GRIN2D: variants seen among roughly 807,000 people sequenced by gnomAD.
GRIN2D encodes the protein glutamate ionotropic receptor NMDA type subunit 2D.
GRIN2D carries 37 observed loss-of-function variants against 103.2 expected under a neutral mutation model. The ratio of observed to expected loss-of-function variants is 0.36; its 90% CI spans 0.28 to 0.47. GRIN2D has a LOEUF of 0.47. Ranked by LOEUF, GRIN2D falls within the 20% of genes least tolerant of loss-of-function variation. GRIN2D has a pLI of 1.00. For missense variants in GRIN2D, 1,557 were observed against 1,910.6 expected (o/e 0.81, Z 3.45); for synonymous variants, 845 against 885.6 (o/e 0.95, Z 0.81).
rs776067139 is a variant in GRIN2D, at chr19:48,414,825, G to T, written c.1413-39G>T. On this transcript the variant is annotated intron_variant, in intron 6 of 13. Coordinates refer to ENST00000263269, the MANE Select transcript of GRIN2D (RefSeq NM_000836.4). The surrounding 1 kb of genome is among the most constrained non-coding windows in gnomAD (Gnocchi z 4.6). ...TCTCTTCATGAGAGAGTCTAAGGAG[G>T]GGGTCCCCAAACTCCCCAAGCCTGG... 52 of 1,606,106 alleles carry T rather than the reference G, an allele frequency of 3.2e-5. No homozygotes were observed. The highest frequency in any genetic ancestry group is 3.9e-5 in the Non-Finnish European group (46 of 1,175,760).
intron 4 of GRIN2D, among the ~76,000 whole-genome samples, chr19:48,413,469 ACT>A (rs1261118823): frequency 6.6e-6 from 1 of 151,958 alleles, no homozygotes; most frequent in African/African-American, 2.4e-5. Context: ...ACAGAGCAAG[ACT>A]CTGTCTCAAA....
chr19:48,438,287 C>CTTTTTTTTTTTTTTT lies in GRIN2D; in HGVS notation c.2253-3467_2253-3453dup, dbSNP rs71181697. On this transcript the variant is annotated intron_variant, in intron 11 of 13. Transcript: ENST00000263269. ...TCTCTTCAACTCAGCATCCAGCCGCCTTTTTTTTTTTTTTTTTTTTTTTTT... is the reference window on the plus strand; with the variant it reads ...TCTCTTCAACTCAGCATCCAGCCGCCTTTTTTTTTTTTTTTTTTTTTTTTTTTTTTTTTTTTTTTT... 8.1e-4 allele frequency among the ~76,000 whole-genome samples: 47 copies of CTTTTTTTTTTTTTTT among 57,754 alleles called. 9 individuals carry two copies. The highest frequency in any genetic ancestry group is 1.4e-3 in the African/African-American group (18 of 13,224). The allele number at this position is 57,754 out of a possible 152,430, so 37.9% of individuals were successfully genotyped here. A position where few individuals can be genotyped will look rare whatever the true frequency, so the allele number is the denominator to read the frequency against.
intron 11 of GRIN2D, among the ~76,000 whole-genome samples, chr19:48,435,434 C>T (rs1217101694): frequency 5.3e-5 from 8 of 151,764 alleles, no homozygotes; most frequent in African/African-American, 1.5e-4. Context: ...AGATTACAGG[C>T]GTGTGCCACC....
chr19:48,399,908 A>G (rs1178385450), intron 3 of GRIN2D, among the ~76,000 whole-genome samples: 1 of 151,248 alleles, frequency 6.6e-6, no homozygotes, highest in East Asian at 2.0e-4. Flanking sequence ...GGCGGGGCCT[A>G]AGCACTCTAA....
intron 3 of GRIN2D, among the ~76,000 whole-genome samples, chr19:48,399,545 G>T (rs1970684158): frequency 6.6e-6 from 1 of 152,236 alleles, no homozygotes; most frequent in African/African-American, 2.4e-5. Flanking sequence ...TCCAGCCTGG[G>T]CGACACAGTG....
rs1418007815 is a variant in GRIN2D, at chr19:48,442,495, C to T, written c.2674-105C>T. On this transcript the variant is annotated intron_variant, in intron 13 of 13. Coordinates refer to ENST00000263269, the MANE Select transcript of GRIN2D (RefSeq NM_000836.4). This position sits in a 1 kb window ranked among gnomAD's most constrained non-coding sequence, Gnocchi z 7.2. ...GAGATGTGGATAGTGGGGAAGAGAGCGGGAAACACAGGCGGGTAAATGGAG... is the reference window on the plus strand; with the variant it reads ...GAGATGTGGATAGTGGGGAAGAGAGTGGGAAACACAGGCGGGTAAATGGAG... 4.0e-6 allele frequency: 6 copies of T among 1,507,186 alleles called. No homozygotes were observed. The highest frequency in any genetic ancestry group is 4.1e-5 in the Admixed American group (2 of 48,614). 93.4% of individuals were successfully genotyped at this position (1,507,186 alleles called of 1,614,324 possible).
chr19:48,419,451 G>A, intron 9 of GRIN2D, 92 bp downstream of exon 9: 1 of 1,476,430 alleles, frequency 6.8e-7, no homozygotes, highest in Non-Finnish European at 9.2e-7. Context: ...AGGGGGGGCG[G>A]TCAAGCTAGG....
rs916538548 is a variant in GRIN2D at position 48,393,944 on chromosome 19, A to G, written c.-306+76A>G. On this transcript the variant is annotated intron_variant, in intron 1 of 13. Transcript: ENST00000263269. The surrounding 1 kb of genome is among the most constrained non-coding windows in gnomAD (Gnocchi z 5.6). ...GTGTCTGTAAGCGCTGCGGCGGCGG[A>G]GGGAGGGAGGGGTCTGTCTGTCTGT... is the stretch of plus-strand genomic sequence containing the variant. 1.3e-5 allele frequency among the ~76,000 whole-genome samples: 2 copies of G among 151,118 alleles called. No homozygotes were observed. The highest frequency in any genetic ancestry group is 3.0e-5 in the Non-Finnish European group (2 of 67,796).
chr19:48,442,790 C>A lies in GRIN2D; in HGVS notation c.2864C>A (p.Ala955Glu). 1.9e-6 allele frequency: 2 copies of A among 1,069,226 alleles called. No homozygotes were observed. Among genetic ancestry groups the A allele is most frequent in the Non-Finnish European group, 2.3e-6 (2 of 885,816 alleles). The allele number at this position is 1,069,226 out of a possible 1,614,324, so 66.2% of individuals were successfully genotyped here. Residue 955 changes from alanine to glutamate, a missense_variant, in exon 14 of 14, where the codon GCG becomes GAG. By Grantham distance (107) the Ala-to-Glu change is moderately radical. Transcript: ENST00000263269. This position sits in a 1 kb window ranked among gnomAD's most constrained non-coding sequence, Gnocchi z 7.2. ...AAGGGCGCGGGGCCGCCGGGGGGCGCGGGCCTGGCCGACGGCTTCCACCGC... is the reference window on the plus strand; with the variant it reads ...AAGGGCGCGGGGCCGCCGGGGGGCGAGGGCCTGGCCGACGGCTTCCACCGC... ...RTKGAGPPGG[A>E]GLADGFHRYY... is the part of the protein sequence containing the mutation.
Position 48,393,810 on chromosome 19 carries a change from G to A in GRIN2D, c.-364G>A, listed in dbSNP as rs556686887. 9.2e-5 allele frequency among the ~76,000 whole-genome samples: 14 copies of A among 152,258 alleles called. No homozygotes were observed. The highest frequency in any genetic ancestry group is 3.4e-4 in the African/African-American group (14 of 41,560). On this transcript the variant is annotated 5_prime_UTR_variant, in exon 1 of 14. Coordinates refer to ENST00000263269, the MANE Select transcript of GRIN2D (RefSeq NM_000836.4). The surrounding 1 kb of genome is among the most constrained non-coding windows in gnomAD (Gnocchi z 5.6). Reference sequence around the variant, plus strand: ...TCGGCCACCGGTGCCTGCTGGGGGTGTTGCCTGGGTAGGTCGGCCCGGCCC... The same window carrying A: ...TCGGCCACCGGTGCCTGCTGGGGGTATTGCCTGGGTAGGTCGGCCCGGCCC...
At chr19:48,413,727 A>C (rs984166382) in intron 4 of GRIN2D, among the ~76,000 whole-genome samples, 12 of 151,992 alleles carry the variant, frequency 7.9e-5, no homozygotes, top group African/African-American at 2.9e-4. Context: ...TACTTTAAAA[A>C]AGAAGGAAAG....
At chr19:48,440,243 AG>A (rs1173483924) in intron 11 of GRIN2D, among the ~76,000 whole-genome samples, 1 of 152,054 alleles carries the variant, frequency 6.6e-6, no homozygotes. Flanking sequence ...TAAATAAATC[AG>A]GGCCTAGTGG....
Position 48,443,177 on chromosome 19 carries a change from G to T in GRIN2D, c.3251G>T (p.Gly1084Val), listed in dbSNP as rs928984311. 5.6e-6 allele frequency: 6 copies of T among 1,069,342 alleles called. No individual in the cohort carries two copies. In the South Asian group the frequency reaches 1.7e-4, roughly 31 times the overall value. 66.2% of individuals were successfully genotyped at this position (1,069,342 alleles called of 1,614,324 possible). The change falls in exon 14 of 14, where the codon GGC becomes GTC. Residue 1084 changes from glycine (G) to valine (V), a missense_variant. This residue lies in a region of GRIN2D where 632 missense variants were observed against 572.8 expected (regional missense o/e 1.10). Transcript: ENST00000263269. The surrounding 1 kb of genome is among the most constrained non-coding windows in gnomAD (Gnocchi z 8.9). ...PGAGGAGGTG[G>V]AGGGAPAAPP... ...GCGGGCGGCGCGGGGGGCACGGGGG[G>T]CGCAGGCGGAGGAGCCCCGGCCGCT...
At chr19:48,418,655 C>CTGGCCA (rs1970976570) in intron 8 of GRIN2D, among the ~76,000 whole-genome samples, 1 of 151,698 alleles carries the variant, frequency 6.6e-6, no homozygotes, top group African/African-American at 2.4e-5. Context: ...CTGTGGCCAG[C>CTGGCCA]GAGGGAGAAG....
chr19:48,438,701 T>C (rs1160172797), intron 11 of GRIN2D, among the ~76,000 whole-genome samples: 1 of 152,160 alleles, frequency 6.6e-6, no homozygotes, highest in Non-Finnish European at 1.5e-5. Context: ...CCCAAAGCGC[T>C]GGGATTACAG....
intron 8 of GRIN2D, among the ~76,000 whole-genome samples, chr19:48,416,732 T>TCC (rs1304282355): frequency 9.0e-6 from 1 of 111,544 alleles, no homozygotes; most frequent in Non-Finnish European, 1.8e-5. Flanking sequence ...CTTCTACTTC[T>TCC]CTCTCTCTCT....
rs1970941287 is a variant in GRIN2D at position 48,415,893 on chromosome 19, C to T, written c.1582-109C>T. ...CTCGCAATCCCTCTTGGCCCCTTCC[C>T]TCACCCTGTCACTGGTCTGCTCCCG... On this transcript the variant is annotated intron_variant, in intron 7 of 13. Transcript: ENST00000263269. 1.8e-5 allele frequency: 17 copies of T among 968,208 alleles called. No homozygotes were observed. In the South Asian group the frequency reaches 2.3e-4, roughly 13 times the overall value. The allele number at this position is 968,208 out of a possible 1,614,324, so 60.0% of individuals were successfully genotyped here. A position where few individuals can be genotyped will look rare whatever the true frequency, so the allele number is the denominator to read the frequency against.
At chr19:48,440,916 A>G (rs573481944) in intron 11 of GRIN2D, among the ~76,000 whole-genome samples, 4 of 152,234 alleles carry the variant, frequency 2.6e-5, no homozygotes, top group African/African-American at 9.6e-5. Context: ...GGAACTCCTG[A>G]GCTGACAGGT....
At chr19:48,416,540 G>A (rs564751693) in intron 8 of GRIN2D, among the ~76,000 whole-genome samples, 1 of 152,240 alleles carries the variant, frequency 6.6e-6, no homozygotes, top group African/African-American at 2.4e-5. Flanking sequence ...GGTATGAGAT[G>A]AAGAGAACAA....
Sources: allele counts gnomAD v4.1 joint callset (sites outside exome capture counted in the v4.1 genomes callset), GRCh38; gene constraint gnomAD v4.1.1; regional missense constraint gnomAD v4.1.1; non-coding constraint Gnocchi (gnomAD v3.1); transcripts MANE v1.5; gene names NCBI Gene and HGNC (gene_info 2026-07-23, HGNC 2026-07-21).